The following ELAVL2 variants were observed in gnomAD, a reference collection of about 807,000 sequenced individuals.
ELAVL2 encodes ELAV-like protein 2.
ELAVL2 carries 4 observed loss-of-function variants against 34.6 expected under a neutral mutation model. That is an observed-to-expected ratio of 0.12 (90% CI 0.06 to 0.26). ELAVL2 has a LOEUF of 0.26. Among genes scored for constraint, ELAVL2 ranks in the 10% least tolerant of loss-of-function variants. The probability of loss-of-function intolerance (pLI) is 1.00; values close to 1 mark genes in which losing one functional copy is unlikely to be tolerated. For missense variants in ELAVL2, 432 were observed against 442.8 expected (o/e 0.98, Z 0.22); for synonymous variants, 193 against 154.8 (o/e 1.25, Z -1.83).
At chr9:23,718,889 T>A (rs1023875977) in intron 3 of ELAVL2, among the ~76,000 whole-genome samples, 1 of 152,222 alleles carries the variant, frequency 6.6e-6, no homozygotes, top group Non-Finnish European at 1.5e-5. Flanking sequence ...ATTCTCCAAG[T>A]ATCTATTAGA....
At chr9:23,821,309 T>A (rs2064661259) in intron 1 of ELAVL2, 1 of 152,332 alleles carries the variant, frequency 6.6e-6, no homozygotes, top group Non-Finnish European at 1.5e-5. Flanking sequence ...CAGGCGCGAC[T>A]GTCCCCGCTC....
At chr9:23,787,290 G>A (rs909662238) in intron 1 of ELAVL2, among the ~76,000 whole-genome samples, 10 of 148,524 alleles carry the variant, frequency 6.7e-5, no homozygotes, top group Non-Finnish European at 1.2e-4. Context: ...ACGGAGTTTC[G>A]CTCTTGTCTC....
In ELAVL2 at chr9:23,703,998, T is replaced by A. The variant is rs528498064; in HGVS notation, c.487+920A>T. On this transcript the variant is annotated intron_variant, in intron 4 of 6. Coordinates refer to ENST00000397312, the MANE Select transcript of ELAVL2 (RefSeq NM_004432.5). ...CCCAGGCTGGAGTGCAATGGCATGA[T>A]CTCAGCTCACCGTGACCTCCGCCTC... Among the ~76,000 whole-genome samples, 5 of 152,158 alleles carry A rather than the reference T, an allele frequency of 3.3e-5. No individual in the cohort carries two copies. The South Asian group carries it at 1.0e-3, about 32-fold the overall frequency.
At chr9:23,709,047 T>C (rs1238223611) in intron 3 of ELAVL2, among the ~76,000 whole-genome samples, 1 of 152,204 alleles carries the variant, frequency 6.6e-6, no homozygotes, top group Non-Finnish European at 1.5e-5. Context: ...TTAATTTTTG[T>C]TACTTTCTAA....
chr9:23,797,272 A>G (rs2061046934), intron 1 of ELAVL2, among the ~76,000 whole-genome samples: 1 of 152,250 alleles, frequency 6.6e-6, no homozygotes, highest in South Asian at 2.1e-4. Context: ...TCAAAAAAAT[A>G]CAACCAGTAA....
intron 1 of ELAVL2, among the ~76,000 whole-genome samples, chr9:23,778,801 G>C (rs992983930): frequency 2.0e-5 from 3 of 152,050 alleles, no homozygotes; most frequent in Non-Finnish European, 4.4e-5. Flanking sequence ...AGGCAAAAAA[G>C]CATCAAGTCT....
intron 1 of ELAVL2, among the ~76,000 whole-genome samples, chr9:23,802,276 G>T (rs572419290): frequency 2.4e-4 from 36 of 152,204 alleles, no homozygotes; most frequent in Admixed American, 5.9e-4. Context: ...GGTCAAGAGC[G>T]CTATAAAAAA....
chr9:23,740,021 T>A (rs964831028), intron 2 of ELAVL2, among the ~76,000 whole-genome samples: 2 of 152,002 alleles, frequency 1.3e-5, no homozygotes, highest in African/African-American at 4.8e-5. Flanking sequence ...ACTCACCAAG[T>A]CCATGTGAAA....
At chr9:23,762,302 G>C (rs1395065496) in intron 1 of ELAVL2, 53 bp from the exon 2 acceptor site, 1 of 1,579,778 alleles carries the variant, frequency 6.3e-7, no homozygotes, top group East Asian at 2.2e-5. Flanking sequence ...CAACCTATTA[G>C]AGACTCCATC....
chr9:23,787,281 C>G (rs1183663083), intron 1 of ELAVL2, among the ~76,000 whole-genome samples: 1 of 148,022 alleles, frequency 6.8e-6, no homozygotes, highest in Non-Finnish European at 1.5e-5. Flanking sequence ...TTTTTTGAGA[C>G]GGAGTTTCGC....
At chr9:23,807,094 A>G (rs1020382774) in intron 1 of ELAVL2, among the ~76,000 whole-genome samples, 3 of 152,200 alleles carry the variant, frequency 2.0e-5, no homozygotes, top group Admixed American at 6.6e-5. Context: ...AAAGGCATGC[A>G]AAGTTTTTAT....
At chr9:23,706,447 G>T (rs2039350190) in intron 3 of ELAVL2, among the ~76,000 whole-genome samples, 1 of 152,156 alleles carries the variant, frequency 6.6e-6, no homozygotes, top group African/African-American at 2.4e-5. Flanking sequence ...GAGCATTTAA[G>T]GGTCAGTTCA....
intron 2 of ELAVL2, among the ~76,000 whole-genome samples, chr9:23,732,180 A>C (rs889515781): frequency 6.6e-6 from 1 of 152,300 alleles, no homozygotes; most frequent in African/African-American, 2.4e-5. Context: ...TGTTGCATCA[A>C]TTTCATAGGG....
Position 23,807,100 on chromosome 9 carries a change from TTTA to T in ELAVL2, c.-16+18703_-16+18705del, listed in dbSNP as rs1239007010. Among the ~76,000 whole-genome samples, 7 of 152,188 alleles carry T rather than the reference TTTA, an allele frequency of 4.6e-5. No homozygotes were observed. In the East Asian group the frequency reaches 9.6e-4, roughly 21 times the overall value. Reference sequence around the variant, plus strand: ...TATAAGCTAAAAGGCATGCAAAGTTTTTATTATCTTCCTAAAGACCAGCTTATA... The same window carrying T: ...TATAAGCTAAAAGGCATGCAAAGTTTTTATCTTCCTAAAGACCAGCTTATA... On this transcript the variant is annotated intron_variant, in intron 1 of 6. Transcript: ENST00000397312.
chr9:23,790,787 G>T (rs909058971), intron 1 of ELAVL2, among the ~76,000 whole-genome samples: 5 of 152,178 alleles, frequency 3.3e-5, no homozygotes, highest in African/African-American at 1.2e-4. Flanking sequence ...CTGACTTGAG[G>T]ATGTCTGCTC....
chr9:23,798,431 T>A (rs1350690446), intron 1 of ELAVL2, among the ~76,000 whole-genome samples: 2 of 152,102 alleles, frequency 1.3e-5, no homozygotes, highest in South Asian at 2.1e-4. Flanking sequence ...TCCTTACCTA[T>A]AAAATGGCGG....
intron 3 of ELAVL2, among the ~76,000 whole-genome samples, chr9:23,727,990 C>G (rs1221872335): frequency 6.6e-6 from 1 of 152,046 alleles, no homozygotes; most frequent in Non-Finnish European, 1.5e-5. Flanking sequence ...TATATACTAA[C>G]CAATCTTCTG....
intron 1 of ELAVL2, among the ~76,000 whole-genome samples, chr9:23,805,439 C>T (rs1215355887): frequency 2.0e-5 from 3 of 152,078 alleles, no homozygotes; most frequent in South Asian, 2.1e-4. Context: ...GCCAACATAC[C>T]CAAGGTCTTC....
chr9:23,762,740 A>T (rs930673272), intron 1 of ELAVL2, among the ~76,000 whole-genome samples: 3 of 152,196 alleles, frequency 2.0e-5, no homozygotes, highest in Non-Finnish European at 4.4e-5. Context: ...TAACTTAAAA[A>T]TCAAAGAGCA....
Sources: gnomAD v4.1 joint callset for allele counts (sites outside exome capture counted in the v4.1 genomes callset) on GRCh38, gnomAD v4.1.1 for gene constraint, MANE v1.5 for transcripts, NCBI Gene and HGNC (gene_info 2026-07-23, HGNC 2026-07-21) for gene names.